NR2F1-AS1: variants seen among roughly 807,000 people sequenced by gnomAD.
The protein encoded by NR2F1-AS1 is NR2F1 regulatory antisense RNA 1.
chr5:93,414,711 T>C (rs562496953), intron 4 of NR2F1-AS1, among the ~76,000 whole-genome samples: 21 of 152,344 alleles, frequency 1.4e-4, no homozygotes, highest in African/African-American at 5.0e-4. Flanking sequence ...CAGAATACCA[T>C]GGGCTGTTAC....
chr5:93,426,372 C>T (rs182522133), intron 4 of NR2F1-AS1, among the ~76,000 whole-genome samples: 1 of 152,206 alleles, frequency 6.6e-6, no homozygotes, highest in East Asian at 1.9e-4. Flanking sequence ...TGAAGGGCAC[C>T]AGGCAGGGCA....
At chr5:93,421,987 A>C (rs1483852207) in intron 4 of NR2F1-AS1, among the ~76,000 whole-genome samples, 2 of 152,220 alleles carry the variant, frequency 1.3e-5, no homozygotes, top group Non-Finnish European at 2.9e-5. Context: ...GTACTTTCTC[A>C]AAGCATGTGC....
intron 4 of NR2F1-AS1, among the ~76,000 whole-genome samples, chr5:93,426,378 G>T (rs923568391): frequency 1.3e-5 from 2 of 152,120 alleles, no homozygotes; most frequent in African/African-American, 4.8e-5. Flanking sequence ...GCACCAGGCA[G>T]GGCAATGCTC....
At chr5:93,549,556 C>T (rs1455637029) in intron 4 of NR2F1-AS1, among the ~76,000 whole-genome samples, 1 of 152,186 alleles carries the variant, frequency 6.6e-6, no homozygotes, top group Non-Finnish European at 1.5e-5. Context: ...TTCTCATATA[C>T]AATTTTTTTA....
At chr5:93,471,410 T>G (rs1750361873) in intron 4 of NR2F1-AS1, among the ~76,000 whole-genome samples, 1 of 151,920 alleles carries the variant, frequency 6.6e-6, no homozygotes, top group Admixed American at 6.6e-5. Context: ...CAACATTATT[T>G]ACTGGACAAG....
At chr5:93,494,353 A>C (rs1372524162) in intron 4 of NR2F1-AS1, among the ~76,000 whole-genome samples, 1 of 152,230 alleles carries the variant, frequency 6.6e-6, no homozygotes, top group East Asian at 1.9e-4. Flanking sequence ...GGCAAGAGCC[A>C]GCCATAGTGG....
rs138008570 is a variant in NR2F1-AS1, at chr5:93,504,418, C to T, written n.638+49343G>A. Among the ~76,000 whole-genome samples, 249 of 152,174 alleles carry T rather than the reference C, an allele frequency of 1.6e-3. 1 individual carries two copies. Among genetic ancestry groups the T allele is most frequent in the African/African-American group, 5.7e-3 (236 of 41,534 alleles). On this transcript the variant is annotated intron_variant and non_coding_transcript_variant, in intron 4 of 5. Transcript: ENST00000660523. ...GTCAAAAGTTTATAGACAAGTATCACCAAATCTTAAAGAAACAGGTAACCC... is the reference window on the plus strand; with the variant it reads ...GTCAAAAGTTTATAGACAAGTATCATCAAATCTTAAAGAAACAGGTAACCC...
At chr5:93,557,378 C>T (rs762398588) in intron 2 of NR2F1-AS1, among the ~76,000 whole-genome samples, 9 of 152,174 alleles carry the variant, frequency 5.9e-5, no homozygotes, top group Non-Finnish European at 7.3e-5. Flanking sequence ...TCACTAGTTA[C>T]AGGCATATCT....
chr5:93,472,096 T>C (rs192458008), intron 4 of NR2F1-AS1, among the ~76,000 whole-genome samples: 21 of 151,958 alleles, frequency 1.4e-4, no homozygotes, highest in Middle Eastern at 3.4e-3. Flanking sequence ...AGATAACTTA[T>C]ATAAGTTCAC....
chr5:93,430,667 A>G (rs990572997), intron 4 of NR2F1-AS1, among the ~76,000 whole-genome samples: 1 of 152,198 alleles, frequency 6.6e-6, no homozygotes, highest in African/African-American at 2.4e-5. Flanking sequence ...GGTGTGGCCC[A>G]GTAAACTTGT....
chr5:93,460,005 T>C (rs2149862651), intron 4 of NR2F1-AS1, among the ~76,000 whole-genome samples: 1 of 152,240 alleles, frequency 6.6e-6, no homozygotes, highest in South Asian at 2.1e-4. Context: ...TTCCAAAATT[T>C]TAAAATACTG....
intron 4 of NR2F1-AS1, among the ~76,000 whole-genome samples, chr5:93,477,677 G>A (rs1750513539): frequency 6.6e-6 from 1 of 151,940 alleles, no homozygotes; most frequent in South Asian, 2.1e-4. Context: ...GCATTCTGAG[G>A]AGCAATGAGA....
At chr5:93,413,611 G>A (rs759739554) in intron 4 of NR2F1-AS1, among the ~76,000 whole-genome samples, 2 of 152,100 alleles carry the variant, frequency 1.3e-5, no homozygotes, top group Non-Finnish European at 2.9e-5. Flanking sequence ...GGCTAAGAAC[G>A]TATGTGCATG....
At chr5:93,500,932 A>T (rs2149885597) in intron 4 of NR2F1-AS1, among the ~76,000 whole-genome samples, 1 of 152,288 alleles carries the variant, frequency 6.6e-6, no homozygotes, top group African/African-American at 2.4e-5. Flanking sequence ...TTATTAATTA[A>T]AAAATACATT....
At chr5:93,529,179 T>C (rs1751683467) in intron 4 of NR2F1-AS1, among the ~76,000 whole-genome samples, 1 of 151,994 alleles carries the variant, frequency 6.6e-6, no homozygotes, top group Admixed American at 6.6e-5. Context: ...ATAATGCAAA[T>C]GACAGTTGGT....
intron 4 of NR2F1-AS1, among the ~76,000 whole-genome samples, chr5:93,449,711 G>GT (rs1749789511): frequency 6.6e-6 from 1 of 152,064 alleles, no homozygotes; most frequent in African/African-American, 2.4e-5. Flanking sequence ...GATTTCTCCT[G>GT]TTTTTCAAAT....
At chr5:93,460,074 T>C (rs1363702171) in intron 4 of NR2F1-AS1, among the ~76,000 whole-genome samples, 1 of 152,140 alleles carries the variant, frequency 6.6e-6, no homozygotes, top group African/African-American at 2.4e-5. Context: ...ATACCTGGCA[T>C]GGAAGACAGA....
chr5:93,518,226 A>C (rs1456550764), intron 4 of NR2F1-AS1, among the ~76,000 whole-genome samples: 1 of 152,142 alleles, frequency 6.6e-6, no homozygotes, highest in Admixed American at 6.6e-5. Context: ...AATGTTAGTA[A>C]TGTGATACAG....
chr5:93,565,045 CCTT>C (rs1169510530), intron 1 of NR2F1-AS1, among the ~76,000 whole-genome samples: 4 of 152,060 alleles, frequency 2.6e-5, no homozygotes, highest in African/African-American at 4.8e-5. Flanking sequence ...TCTCCTCACT[CCTT>C]CTTAAGAATA....
Sources: allele counts gnomAD v4.1 joint callset (sites outside exome capture counted in the v4.1 genomes callset), GRCh38; gene constraint gnomAD v4.1.1; transcripts MANE v1.5; gene names NCBI Gene and HGNC (gene_info 2026-07-23, HGNC 2026-07-21).